TMEM132B: variants seen among roughly 807,000 people sequenced by gnomAD.
TMEM132B encodes transmembrane protein 132B.
Under a neutral mutation model 90.8 loss-of-function variants are expected in TMEM132B, and 18 were observed. The ratio of observed to expected loss-of-function variants is 0.20; its 90% confidence interval spans 0.14 to 0.29. The LOEUF is 0.29. Among genes scored for constraint, TMEM132B ranks in the 10% least tolerant of loss-of-function variants. The pLI is 1.00. For synonymous variants in TMEM132B, 504 were observed against 523.3 expected (o/e 0.96, Z 0.50); for missense variants, 1,096 against 1,326.8 (o/e 0.83, Z 2.70).
At chr12:125,646,629 C>G (rs976621930) in intron 6 of TMEM132B, among the ~76,000 whole-genome samples, 9 of 152,174 alleles carry the variant, frequency 5.9e-5, no homozygotes, top group Admixed American at 6.5e-5. Flanking sequence ...GGGAACAAAA[C>G]AGACCAGAAT....
chr12:125,614,094 C>G (rs181755822), intron 5 of TMEM132B, among the ~76,000 whole-genome samples: 14 of 152,252 alleles, frequency 9.2e-5, no homozygotes, highest in Non-Finnish European at 1.8e-4. Context: ...CTGTGTCTTA[C>G]AATTATGTAA....
intron 3 of TMEM132B, among the ~76,000 whole-genome samples, chr12:125,506,455 G>T (rs933617556): frequency 1.3e-5 from 2 of 152,100 alleles, no homozygotes; most frequent in Non-Finnish European, 2.9e-5. Context: ...ATAGTTACAT[G>T]ACTATGCATT....
At chr12:125,467,754 C>A (rs1881607038) in intron 3 of TMEM132B, among the ~76,000 whole-genome samples, 1 of 152,232 alleles carries the variant, frequency 6.6e-6, no homozygotes, top group Admixed American at 6.5e-5. Context: ...AGTAAGTAAT[C>A]ATTCCCCATT....
At chr12:125,230,034 G>A (rs1873780844) in intron 1 of TMEM132B, among the ~76,000 whole-genome samples, 1 of 152,212 alleles carries the variant, frequency 6.6e-6, no homozygotes, top group Non-Finnish European at 1.5e-5. Flanking sequence ...TGAAGGACAA[G>A]GGCCGGGAAC....
At chr12:125,420,911 G>T (rs1880149132) in intron 3 of TMEM132B, among the ~76,000 whole-genome samples, 1 of 152,080 alleles carries the variant, frequency 6.6e-6, no homozygotes, top group African/African-American at 2.4e-5. Context: ...ATCTCTCTCA[G>T]ATTCAAAGTT....
intron 3 of TMEM132B, among the ~76,000 whole-genome samples, chr12:125,510,038 C>T (rs1194560315): frequency 1.3e-5 from 2 of 152,104 alleles, no homozygotes; most frequent in African/African-American, 4.8e-5. Flanking sequence ...TATTTAAGAA[C>T]GTGGTGTAAG....
intron 3 of TMEM132B, among the ~76,000 whole-genome samples, chr12:125,429,724 G>T (rs1880440465): frequency 6.6e-6 from 1 of 152,212 alleles, no homozygotes; most frequent in Admixed American, 6.5e-5. Context: ...GGTTTATTGG[G>T]AGGTAGGCCA....
At chr12:125,601,165 T>A (rs1216231297) in intron 5 of TMEM132B, among the ~76,000 whole-genome samples, 2 of 152,162 alleles carry the variant, frequency 1.3e-5, no homozygotes, top group African/African-American at 4.8e-5. Flanking sequence ...AGAATATACA[T>A]TCTTCTCAGT....
At chr12:125,321,740 A>G (rs560284672) in intron 1 of TMEM132B, among the ~76,000 whole-genome samples, 1 of 152,110 alleles carries the variant, frequency 6.6e-6, no homozygotes, top group Non-Finnish European at 1.5e-5. Context: ...GGCCTCTCAA[A>G]GTGTTGGGAT....
intron 5 of TMEM132B, among the ~76,000 whole-genome samples, chr12:125,615,071 A>T (rs78129237): frequency 6.6e-6 from 1 of 151,920 alleles, no homozygotes; most frequent in African/African-American, 2.4e-5. Context: ...ATACAAGATG[A>T]GTCATTTTTC....
chr12:125,281,011 C>G (rs1337670660), intron 1 of TMEM132B, among the ~76,000 whole-genome samples: 1 of 152,198 alleles, frequency 6.6e-6, no homozygotes, highest in Non-Finnish European at 1.5e-5. Flanking sequence ...ACATGAAGTT[C>G]TCTGTGAGGG....
chr12:125,444,069 A>T (rs914908660), intron 3 of TMEM132B, among the ~76,000 whole-genome samples: 1 of 152,188 alleles, frequency 6.6e-6, no homozygotes, highest in African/African-American at 2.4e-5. Context: ...TTTCTCTTAA[A>T]GGTGAAGTTA....
intron 1 of TMEM132B, among the ~76,000 whole-genome samples, chr12:125,331,070 A>G (rs1057248263): frequency 6.6e-6 from 1 of 152,212 alleles, no homozygotes; most frequent in Non-Finnish European, 1.5e-5. Context: ...CTCCTCGTGC[A>G]GCGCTGGCGG....
intron 6 of TMEM132B, among the ~76,000 whole-genome samples, chr12:125,645,911 G>A (rs185767657): frequency 1.3e-5 from 2 of 152,302 alleles, no homozygotes; most frequent in African/African-American, 2.4e-5. Context: ...GGCAGTGAGT[G>A]GAGGCTGGAA....
chr12:125,610,224 A>T (rs1193156322), intron 5 of TMEM132B, among the ~76,000 whole-genome samples: 1 of 151,798 alleles, frequency 6.6e-6, no homozygotes, highest in African/African-American at 2.4e-5. Flanking sequence ...GGTACCTTTT[A>T]TTTCATTTTC....
In TMEM132B at chr12:125,460,460, C is replaced by T. The variant is rs1881408555; in HGVS notation, c.1106+44783C>T. Among the ~76,000 whole-genome samples the T allele has an allele frequency of 6.6e-6, 1 of 152,040 alleles. No homozygotes were observed. Among genetic ancestry groups the T allele is most frequent in the Non-Finnish European group, 1.5e-5 (1 of 68,012 alleles). On this transcript the variant is annotated intron_variant, in intron 3 of 8. Transcript: ENST00000682704. The surrounding 1 kb of genome is among the most constrained non-coding windows in gnomAD (Gnocchi z 4.4). ...TGAGCCGAGATCATGCCATTGCACT[C>T]CAGCCTGGGTGACAGAGCAAGACTC...
At chr12:125,242,018 T>G (rs989082202) in intron 1 of TMEM132B, among the ~76,000 whole-genome samples, 4 of 152,186 alleles carry the variant, frequency 2.6e-5, no homozygotes, top group Non-Finnish European at 5.9e-5. Context: ...AAAGATCTGT[T>G]GTGAATGAAT....
chr12:125,510,762 C>G (rs1031552180), intron 3 of TMEM132B, among the ~76,000 whole-genome samples: 1 of 152,104 alleles, frequency 6.6e-6, no homozygotes, highest in African/African-American at 2.4e-5. Flanking sequence ...TTATCATTAC[C>G]ATGCATGTTT....
intron 5 of TMEM132B, chr12:125,586,926 C>T (rs766825699): frequency 6.6e-6 from 1 of 152,108 alleles, no homozygotes; most frequent in East Asian, 1.9e-4. Context: ...TCCATGAAAT[C>T]GTGATGAAGG....
Sources: allele counts gnomAD v4.1 joint callset (sites outside exome capture counted in the v4.1 genomes callset), GRCh38; gene constraint gnomAD v4.1.1; non-coding constraint Gnocchi (gnomAD v3.1); transcripts MANE v1.5; gene names NCBI Gene and HGNC (gene_info 2026-07-23, HGNC 2026-07-21).